CENPN: variants seen among roughly 807,000 people sequenced by gnomAD.
CENPN encodes interphase centromere complex protein 32.
Under a neutral mutation model 48.6 loss-of-function variants are expected in CENPN, and 36 were observed. The observed-to-expected ratio is 0.74, with a 90% CI of 0.57 to 0.98. The LOEUF (loss-of-function observed/expected upper bound fraction) is 0.98, where lower values mean the gene tolerates loss of function less well. CENPN is among the 50% of genes least tolerant of loss of function. The pLI, the probability that CENPN is intolerant of heterozygous loss-of-function variation, is 0.00. For synonymous variants in CENPN, 166 were observed against 135.2 expected (o/e 1.23, Z -1.58); for missense variants, 439 against 399.2 (o/e 1.10, Z -0.85).
At position 81,025,952 on chromosome 16, in the gene CENPN, C is replaced by T. The variant is rs1370186041; in HGVS notation, c.698-574C>T. 4.6e-5 allele frequency among the ~76,000 whole-genome samples: 7 copies of T among 151,262 alleles called. No individual in the cohort carries two copies. The East Asian group carries it at 1.2e-3, about 25-fold the overall frequency. On this transcript the variant is annotated intron_variant, in intron 8 of 10. Coordinates refer to ENST00000305850, the MANE Select transcript of CENPN (RefSeq NM_001100624.3). The stretch of plus-strand genomic sequence containing the variant: ...TTCTGACCTCAAGTGATCCTCCCGC[C>T]TCAGCCTCCTGAAGTGCTGGGATTA...
chr16:81,009,198 C>G (rs1445663012), intron 1 of CENPN, among the ~76,000 whole-genome samples: 1 of 152,086 alleles, frequency 6.6e-6, no homozygotes, highest in Non-Finnish European at 1.5e-5. Context: ...ATGTGGGTGA[C>G]CCAGCAAGAT....
intron 2 of CENPN, 24 bp downstream of exon 2, chr16:81,012,134 C>G (rs1969768217): frequency 6.2e-7 from 1 of 1,606,320 alleles, no homozygotes; most frequent in Non-Finnish European, 8.5e-7. Flanking sequence ...AAATGATGAG[C>G]CTTGAACAGA....
rs187989892 is a variant in CENPN, at chr16:81,012,672, T to C, written c.171+562T>C. Among the ~76,000 whole-genome samples, 623 of 152,368 alleles carry C rather than the reference T, an allele frequency of 4.1e-3. 5 individuals are homozygous for C. Among genetic ancestry groups the C allele is most frequent in the African/African-American group, 0.014 (578 of 41,594 alleles). The stretch of plus-strand genomic sequence containing the variant: ...GTGCAGTGGCACAAACTCAGCTTAC[T>C]GCAACCTCTGCCTCCCAGGTTCTAG... On this transcript the variant is annotated intron_variant, in intron 2 of 10. Coordinates refer to ENST00000305850, the MANE Select transcript of CENPN (RefSeq NM_001100624.3).
intron 3 of CENPN, among the ~76,000 whole-genome samples, chr16:81,014,634 G>A (rs1969866809): frequency 6.6e-6 from 1 of 152,076 alleles, no homozygotes; most frequent in Non-Finnish European, 1.5e-5. Flanking sequence ...TCACCTTTCT[G>A]AGCCTCAGAC....
In CENPN at chr16:81,020,403, G is replaced by T. The variant is rs569809666; in HGVS notation, c.531+127G>T. The T allele has an allele frequency of 2.3e-4, 213 of 916,806 alleles. 1 individual carries two copies. Among genetic ancestry groups the T allele is most frequent in the Middle Eastern group, 2.1e-3 (6 of 2,810 alleles). 56.8% of individuals were successfully genotyped at this position (916,806 alleles called of 1,614,324 possible). A position where few individuals can be genotyped will look rare whatever the true frequency, so the allele number is the denominator to read the frequency against. On this transcript the variant is annotated intron_variant, in intron 6 of 10. Transcript: ENST00000305850. ...CCAGGTGCAGTGGCATGTACCTGTG[G>T]TCCCAGCTACTTGGGAGGCTGAAGT...
Position 81,028,281 on chromosome 16 carries a change from A to G in CENPN, c.921A>G (p.Lys307=). ...GCCCACATCTTCTGGAAGCATTGAA[A>G]TCCTTAGCACCAGCGGGTGAGTGGT... ...FSSPHLLEAL[K]SLAPAGIADA... The change falls in exon 10 of 11, where the codon AAA becomes AAG. Residue 307 remains lysine, a synonymous_variant. Transcript: ENST00000305850. 1 of 1,614,148 alleles carries G rather than the reference A, an allele frequency of 6.2e-7. No homozygotes were observed. The highest frequency in any genetic ancestry group is 8.5e-7 in the Non-Finnish European group (1 of 1,180,010).
intron 1 of CENPN, among the ~76,000 whole-genome samples, chr16:81,008,600 G>A (rs1240414006): frequency 1.3e-5 from 2 of 152,126 alleles, no homozygotes; most frequent in African/African-American, 2.4e-5. Context: ...TTGAACGACT[G>A]ACCTCAAGTG....
chr16:81,014,096 C>T (rs774763940), intron 2 of CENPN, 40 bp from the exon 3 acceptor site: 26 of 1,570,114 alleles, frequency 1.7e-5, no homozygotes, highest in African/African-American at 1.5e-4. Flanking sequence ...AGAACCAAAC[C>T]TATAACCACA....
chr16:81,011,360 T>A (rs1372508913), intron 1 of CENPN, among the ~76,000 whole-genome samples: 1 of 152,238 alleles, frequency 6.6e-6, no homozygotes, highest in East Asian at 1.9e-4. Context: ...GATTTCCCTG[T>A]TGTTTCTCTC....
At chr16:81,021,533 T>C (rs1970200960) in intron 6 of CENPN, among the ~76,000 whole-genome samples, 1 of 152,190 alleles carries the variant, frequency 6.6e-6, no homozygotes, top group African/African-American at 2.4e-5. Flanking sequence ...ACTCCACTGT[T>C]GTGACCAGGC....
chr16:81,017,459 G>C, intron 4 of CENPN, 74 bp downstream of exon 4: 1 of 1,017,488 alleles, frequency 9.8e-7, no homozygotes, highest in Non-Finnish European at 1.5e-6. Context: ...ACAGCGAGCT[G>C]AGATTGCACC....
chr16:81,008,444 T>C (rs930126226), intron 1 of CENPN, among the ~76,000 whole-genome samples: 1 of 152,072 alleles, frequency 6.6e-6, no homozygotes, highest in Non-Finnish European at 1.5e-5. Flanking sequence ...CGTTCTCGGC[T>C]CACTGCAACC....
At chr16:81,032,466 C>T, downstream of CENPN, 1 of 1,182,530 alleles carries the variant, frequency 8.5e-7, no homozygotes, top group Non-Finnish European at 1.2e-6. Flanking sequence ...AATCATCACT[C>T]TGATGCCTCC....
At chr16:81,009,774 C>T (rs1969666566) in intron 1 of CENPN, among the ~76,000 whole-genome samples, 1 of 152,202 alleles carries the variant, frequency 6.6e-6, no homozygotes, top group Admixed American at 6.5e-5. Context: ...GGAATTCCCA[C>T]AGTTGTGAAG....
chr16:81,028,985 T>A lies in CENPN; in HGVS notation c.*334T>A. 9.9e-7 allele frequency: 1 copy of A among 1,006,292 alleles called. No individual in the cohort carries two copies. The highest frequency in any genetic ancestry group is 1.7e-5 in the African/African-American group (1 of 58,066). 62.3% of individuals were successfully genotyped at this position (1,006,292 alleles called of 1,614,324 possible). A position where few individuals can be genotyped will look rare whatever the true frequency, so the allele number is the denominator to read the frequency against. ...ACTTTTGGGTTTGTGTCCTTTTTTC[T>A]ATGGCTGTCTCTTCTCAATTCTGGA... is the stretch of plus-strand genomic sequence containing the variant. On this transcript the variant is annotated 3_prime_UTR_variant, in exon 11 of 11. Coordinates refer to ENST00000305850, the MANE Select transcript of CENPN (RefSeq NM_001100624.3).
At chr16:81,025,639 C>T (rs910876973) in intron 8 of CENPN, among the ~76,000 whole-genome samples, 1 of 148,996 alleles carries the variant, frequency 6.7e-6, no homozygotes, top group Non-Finnish European at 1.5e-5. Flanking sequence ...GGGAAGATCA[C>T]GAGCCCAAGA....
At chr16:81,007,951 A>C (rs150931806) in intron 1 of CENPN, among the ~76,000 whole-genome samples, 9 of 152,062 alleles carry the variant, frequency 5.9e-5, no homozygotes, top group Non-Finnish European at 1.2e-4. Context: ...TACTAAAAAT[A>C]CAAAAATTAA....
chr16:81,027,089 C>A (rs974778009), intron 9 of CENPN, among the ~76,000 whole-genome samples: 2 of 152,216 alleles, frequency 1.3e-5, no homozygotes, highest in African/African-American at 2.4e-5. Context: ...TGAGCCACTG[C>A]GCCCAGCCAT....
chr16:81,016,990 C>G (rs749297740), intron 3 of CENPN: 2 of 259,846 alleles, frequency 7.7e-6, no homozygotes, highest in Non-Finnish European at 1.5e-5. Context: ...AAATGTGGGT[C>G]CTGTGGGGCA....
Sources: gnomAD v4.1 joint callset for allele counts (sites outside exome capture counted in the v4.1 genomes callset) on GRCh38, gnomAD v4.1.1 for gene constraint, MANE v1.5 for transcripts, NCBI Gene and HGNC (gene_info 2026-07-23, HGNC 2026-07-21) for gene names.